The following ERCC6L2 variants were observed in gnomAD, a reference collection of about 807,000 sequenced individuals.
ERCC6L2 encodes ERCC excision repair 6 like 2.
In ERCC6L2, 77 loss-of-function variants were observed where a neutral mutation model predicts 132.0. The observed-to-expected ratio is 0.58, with a 90% confidence interval of 0.49 to 0.71. The LOEUF (loss-of-function observed/expected upper bound fraction) is 0.71. ERCC6L2 is among the 30% of genes least tolerant of loss of function. The pLI is 0.00. For synonymous variants in ERCC6L2, 583 were observed against 632.4 expected, an observed-to-expected ratio of 0.92 and a Z score of 1.17; for missense variants, 1,542 against 1,837.6, an observed-to-expected ratio of 0.84 and a Z score of 2.94.
intron 18 of ERCC6L2, among the ~76,000 whole-genome samples, chr9:96,006,256 T>C (rs1564300038): frequency 6.6e-6 from 1 of 152,148 alleles, no homozygotes; most frequent in African/African-American, 2.4e-5. Flanking sequence ...AGCAGCTACT[T>C]CTGGAGGAGG....
Position 96,029,010 on chromosome 9 carries a change from A to T in ERCC6L2, c.*1504-9866A>T, listed in dbSNP as rs572218865. 6.6e-5 allele frequency among the ~76,000 whole-genome samples: 10 copies of T among 152,304 alleles called. No individual in the cohort carries two copies. In the South Asian group the frequency reaches 1.0e-3, roughly 16 times the overall value. On this transcript the variant is annotated intron_variant and NMD_transcript_variant, in intron 19 of 20. Transcript: ENST00000670016. ...AGCAAAACTAACCTATGTTGTTAGA[A>T]GTTAGGATGGGGGACTGGGCGCGGT...
chr9:95,876,390 G>A lies in ERCC6L2; in HGVS notation c.46+306G>A, dbSNP rs114586952. ...TTCTTGCGATTATTAAATGACGTGG[G>A]GAATACGCAAAGTATTTATGTGACC... is the stretch of plus-strand genomic sequence containing the variant. On this transcript the variant is annotated intron_variant, in intron 1 of 18. Coordinates refer to ENST00000653738, the MANE Select transcript of ERCC6L2 (RefSeq NM_020207.7). 3,257 of 348,776 alleles carry A rather than the reference G, an allele frequency of 9.3e-3. 99 individuals are homozygous for A. Among genetic ancestry groups the A allele is most frequent in the African/African-American group, 0.061 (2,924 of 48,180 alleles). 21.6% of individuals were successfully genotyped at this position (348,776 alleles called of 1,614,324 possible). A position where few individuals can be genotyped will look rare whatever the true frequency, so the allele number is the denominator to read the frequency against.
At chr9:95,962,247 GT>G (rs1237727675) in intron 13 of ERCC6L2, among the ~76,000 whole-genome samples, 1 of 151,922 alleles carries the variant, frequency 6.6e-6, no homozygotes, top group African/African-American at 2.4e-5. Flanking sequence ...ATATTGAGGT[GT>G]TTTGGGGGGG....
intron 2 of ERCC6L2, among the ~76,000 whole-genome samples, chr9:95,886,744 T>C (rs1194151103): frequency 2.0e-5 from 3 of 152,342 alleles, no homozygotes; most frequent in African/African-American, 7.2e-5. Flanking sequence ...ATACAAAGTA[T>C]TGATCTAGGT....
rs917084611 is a variant in ERCC6L2 at position 96,017,146 on chromosome 9, A to G, written c.*3943A>G. On this transcript the variant is annotated 3_prime_UTR_variant, in exon 19 of 19. Coordinates refer to ENST00000653738, the MANE Select transcript of ERCC6L2 (RefSeq NM_020207.7). ...GTTTCATCTTCCACCAGAGATTGCA[A>G]AGCATCCTCTGCCCAGTGCTTCTAG... Among the ~76,000 whole-genome samples, 4 of 152,094 alleles carry G rather than the reference A, an allele frequency of 2.6e-5. No homozygotes were observed. Among genetic ancestry groups the G allele is most frequent in the African/African-American group, 9.7e-5 (4 of 41,414 alleles).
intron 18 of ERCC6L2, among the ~76,000 whole-genome samples, chr9:96,010,646 C>T (rs1833997438): frequency 6.6e-6 from 1 of 152,126 alleles, no homozygotes; most frequent in Non-Finnish European, 1.5e-5. Context: ...GAAGAGACAC[C>T]CTTTCTATCC....
chr9:95,963,082 C>G (rs1831986651), intron 13 of ERCC6L2, among the ~76,000 whole-genome samples: 1 of 151,986 alleles, frequency 6.6e-6, no homozygotes, highest in Non-Finnish European at 1.5e-5. Flanking sequence ...TTTACAGCAG[C>G]TGTGCTCCTT....
At chr9:95,903,953 C>G (rs1264187234) in intron 3 of ERCC6L2, among the ~76,000 whole-genome samples, 1 of 151,988 alleles carries the variant, frequency 6.6e-6, no homozygotes, top group African/African-American at 2.4e-5. Flanking sequence ...ACTTGATATT[C>G]TGTCAAAAAT....
At chr9:95,990,447 T>C (rs548009680) in intron 17 of ERCC6L2, among the ~76,000 whole-genome samples, 5 of 152,336 alleles carry the variant, frequency 3.3e-5, no homozygotes, top group African/African-American at 1.2e-4. Context: ...ATCTTTTCAC[T>C]TGTTGACATT....
At chr9:95,999,118 TGG>T (rs1291459331) in intron 17 of ERCC6L2, among the ~76,000 whole-genome samples, 8 of 152,168 alleles carry the variant, frequency 5.3e-5, no homozygotes, top group African/African-American at 1.9e-4. Flanking sequence ...CCCAGCACTT[TGG>T]GAGGTCGAGG....
intron 19 of ERCC6L2, among the ~76,000 whole-genome samples, chr9:96,032,006 G>A (rs1331983018): frequency 6.6e-6 from 1 of 152,188 alleles, no homozygotes; most frequent in Non-Finnish European, 1.5e-5. Context: ...CAACCTGTGG[G>A]TGGCACGTCA....
chr9:95,877,497 C>T (rs928065984), intron 1 of ERCC6L2, among the ~76,000 whole-genome samples: 2 of 151,996 alleles, frequency 1.3e-5, no homozygotes, highest in African/African-American at 4.8e-5. Context: ...TTAGTTTTCT[C>T]GCAAGATATC....
intron 19 of ERCC6L2, chr9:96,025,992 T>A (rs1484295026): frequency 3.3e-5 from 5 of 152,174 alleles, no homozygotes; most frequent in Non-Finnish European, 4.4e-5. Flanking sequence ...GCAGTGAAGG[T>A]CTCTAAAGAG....
intron 13 of ERCC6L2, among the ~76,000 whole-genome samples, chr9:95,964,244 T>C (rs571664377): frequency 6.6e-6 from 1 of 152,310 alleles, no homozygotes; most frequent in African/African-American, 2.4e-5. Flanking sequence ...ATTTTAGTAA[T>C]AGATTACAAC....
chr9:95,961,244 C>A (rs942331345), intron 13 of ERCC6L2, among the ~76,000 whole-genome samples: 2 of 151,984 alleles, frequency 1.3e-5, no homozygotes, highest in Non-Finnish European at 2.9e-5. Context: ...GGTCCCTAAT[C>A]CATTGACTGA....
intron 6 of ERCC6L2, among the ~76,000 whole-genome samples, chr9:95,918,885 T>G (rs757984544): frequency 1.3e-5 from 2 of 152,106 alleles, no homozygotes; most frequent in Non-Finnish European, 2.9e-5. Flanking sequence ...TTTTTTTTTT[T>G]AAGACGGAGT....
chr9:95,906,690 A>C, intron 3 of ERCC6L2: 1 of 458,314 alleles, frequency 2.2e-6, no homozygotes, highest in Non-Finnish European at 4.4e-6. Flanking sequence ...CATATATTTC[A>C]AGAACACGTG....
chr9:95,887,079 T>C (rs1827911806), intron 2 of ERCC6L2, among the ~76,000 whole-genome samples: 1 of 152,232 alleles, frequency 6.6e-6, no homozygotes. Flanking sequence ...ACTCCTCATA[T>C]ATCTCTATTC....
intron 4 of ERCC6L2, among the ~76,000 whole-genome samples, chr9:95,907,805 T>A (rs1341466019): frequency 5.0e-5 from 3 of 59,426 alleles, no homozygotes; most frequent in African/African-American, 1.8e-4. Flanking sequence ...GAGTCTGTTG[T>A]GAATATAGAG....
Sources: gnomAD v4.1 joint callset for allele counts (sites outside exome capture counted in the v4.1 genomes callset) on GRCh38, gnomAD v4.1.1 for gene constraint, MANE v1.5 for transcripts, NCBI Gene and HGNC (gene_info 2026-07-23, HGNC 2026-07-21) for gene names.